The following TASP1 variants were observed in gnomAD, a reference collection of about 807,000 sequenced individuals.
The protein encoded by TASP1 is threonine aspartase 1.
TASP1 carries 16 observed loss-of-function variants against 56.6 expected under a neutral mutation model. That is an observed-to-expected ratio of 0.28 (90% CI 0.19 to 0.43). TASP1 has a LOEUF of 0.43. Among genes scored for constraint, TASP1 ranks in the 20% least tolerant of loss-of-function variants. TASP1 has a pLI of 1.00. For synonymous variants in TASP1, 179 were observed against 184.2 expected, an observed-to-expected ratio of 0.97 and a Z score of 0.23; for missense variants, 393 against 511.6, an observed-to-expected ratio of 0.77 and a Z score of 2.24.
the TASP1 span, among the ~76,000 whole-genome samples, chr20:13,370,980 T>C: frequency 3.3e-5 from 5 of 152,274 alleles, no homozygotes; most frequent in South Asian, 1.0e-3. Context: ...ATTTCCTTTA[T>C]ATTCTTTTCA....
At chr20:13,360,595 T>C in the TASP1 span, among the ~76,000 whole-genome samples, 1 of 152,226 alleles carries the variant, frequency 6.6e-6, no homozygotes, top group Non-Finnish European at 1.5e-5. Flanking sequence ...CATGTCTGCG[T>C]GCAGCAGCTG....
At chr20:13,521,673 C>T (rs1347458075) in intron 10 of TASP1, among the ~76,000 whole-genome samples, 1 of 151,596 alleles carries the variant, frequency 6.6e-6, no homozygotes, top group East Asian at 1.9e-4. Context: ...GGAGATATAC[C>T]TAATGTTAAA....
chr20:13,110,687 C>G, the TASP1 span, among the ~76,000 whole-genome samples: 2 of 152,054 alleles, frequency 1.3e-5, no homozygotes, highest in Non-Finnish European at 2.9e-5. Flanking sequence ...AAAGATCTGC[C>G]TGTTTTCCCC....
chr20:13,461,438 T>G (rs2044047917), intron 11 of TASP1, among the ~76,000 whole-genome samples: 1 of 152,188 alleles, frequency 6.6e-6, no homozygotes, highest in Admixed American at 6.5e-5. Context: ...TGAAACATAG[T>G]GTATGCACGA....
intron 13 of TASP1, among the ~76,000 whole-genome samples, chr20:13,402,628 T>C (rs2041779738): frequency 6.6e-6 from 1 of 152,228 alleles, no homozygotes; most frequent in South Asian, 2.1e-4. Context: ...CCTTTAGTTG[T>C]TGGATAATAT....
intron 12 of TASP1, 27 bp downstream of exon 12, chr20:13,435,015 GAC>G: frequency 6.7e-7 from 1 of 1,486,432 alleles, no homozygotes. Context: ...AAAATAGAAA[GAC>G]ACACACAATG....
intron 13 of TASP1, among the ~76,000 whole-genome samples, chr20:13,401,517 A>G (rs1017710766): frequency 6.6e-6 from 1 of 152,228 alleles, no homozygotes; most frequent in Admixed American, 6.5e-5. Context: ...TCACCCATTT[A>G]ATAAAATAAT....
the TASP1 span, chr20:13,238,886 A>G: frequency 1.3e-5 from 2 of 152,208 alleles, no homozygotes; most frequent in African/African-American, 2.4e-5. Flanking sequence ...TACTCCTGAA[A>G]AGGTTCAGCT....
the TASP1 span, among the ~76,000 whole-genome samples, chr20:13,269,080 A>G: frequency 1.3e-5 from 2 of 152,290 alleles, no homozygotes; most frequent in South Asian, 4.1e-4. Context: ...GCTGGGTCAG[A>G]GGCACTGTGG....
At chr20:13,405,423 T>C (rs2041879420) in intron 13 of TASP1, among the ~76,000 whole-genome samples, 1 of 152,384 alleles carries the variant, frequency 6.6e-6, no homozygotes, top group African/African-American at 2.4e-5. Context: ...GTTGAATGTA[T>C]AATTTCTCAT....
At chr20:13,335,389 A>G in the TASP1 span, among the ~76,000 whole-genome samples, 1 of 151,248 alleles carries the variant, frequency 6.6e-6, no homozygotes. Context: ...GGAGATTTAG[A>G]TTTCTCTCCA....
the TASP1 span, among the ~76,000 whole-genome samples, chr20:13,156,541 T>C: frequency 1.3e-5 from 2 of 152,216 alleles, no homozygotes; most frequent in African/African-American, 4.8e-5. Context: ...TTCTCATTTA[T>C]AAAACGGGAT....
intron 13 of TASP1, among the ~76,000 whole-genome samples, chr20:13,414,977 C>T (rs569395641): frequency 6.6e-6 from 1 of 152,200 alleles, no homozygotes; most frequent in Non-Finnish European, 1.5e-5. Context: ...ACACAACTAG[C>T]TCATATATGT....
At chr20:13,266,582 A>T in the TASP1 span, among the ~76,000 whole-genome samples, 1 of 152,194 alleles carries the variant, frequency 6.6e-6, no homozygotes, top group African/African-American at 2.4e-5. Context: ...ATGTTAACTC[A>T]TAGATTGATG....
At chr20:13,404,680 A>C (rs2041853121) in intron 13 of TASP1, among the ~76,000 whole-genome samples, 1 of 152,244 alleles carries the variant, frequency 6.6e-6, no homozygotes, top group Non-Finnish European at 1.5e-5. Flanking sequence ...CAGACATTAA[A>C]GCTGACAAAA....
intron 13 of TASP1, among the ~76,000 whole-genome samples, chr20:13,411,105 T>A (rs1489301457): frequency 6.6e-6 from 1 of 152,212 alleles, no homozygotes; most frequent in Admixed American, 6.5e-5. Flanking sequence ...CCAATGTACG[T>A]TCTTAGAGCC....
At chr20:13,168,438 C>T in the TASP1 span, 10 of 152,264 alleles carry the variant, frequency 6.6e-5, no homozygotes, top group Non-Finnish European at 1.5e-4. Flanking sequence ...CCACCTCGGC[C>T]TCCCAAAGTG....
chr20:13,308,042 A>C, the TASP1 span, among the ~76,000 whole-genome samples: 2 of 152,200 alleles, frequency 1.3e-5, no homozygotes, highest in Admixed American at 6.5e-5. Context: ...GGAGTGTTTG[A>C]AAGTTCCCAT....
chr20:13,260,692 G>C, the TASP1 span, among the ~76,000 whole-genome samples: 1 of 151,594 alleles, frequency 6.6e-6, no homozygotes, highest in Non-Finnish European at 1.5e-5. Flanking sequence ...GAGCTGAATA[G>C]AGTGAGAGGC....
Sources: gnomAD v4.1 joint callset for allele counts (sites outside exome capture counted in the v4.1 genomes callset) on GRCh38, gnomAD v4.1.1 for gene constraint, MANE v1.5 for transcripts, NCBI Gene and HGNC (gene_info 2026-07-23, HGNC 2026-07-21) for gene names.